The following NHSL2 variants were observed in gnomAD, a reference collection of about 807,000 sequenced individuals.
NHSL2 encodes the protein NHS like 2.
In NHSL2, 27 loss-of-function variants were observed where a neutral mutation model predicts 53.4. That is an observed-to-expected ratio of 0.51 (90% confidence interval 0.37 to 0.70). NHSL2 has a LOEUF of 0.70. NHSL2 is among the 30% of genes least tolerant of loss of function. NHSL2 has a pLI of 0.00. For synonymous variants in NHSL2, 408 were observed against 404.1 expected (o/e 1.01, Z -0.12); for missense variants, 892 against 980.1 (o/e 0.91, Z 1.20).
chrX:72,139,593 C>T lies in NHSL2; in HGVS notation c.2045C>T (p.Ser682Phe), dbSNP rs983726610. Residue 682 changes from serine (S) to phenylalanine (F), a missense_variant, in exon 6 of 8, where the codon TCC (serine) becomes TTC (phenylalanine). Physicochemically the swap from Ser to Phe is radical, Grantham distance 155. Transcript: ENST00000633930. The stretch of plus-strand genomic sequence containing the variant: ...GAGTCTCTTGCCTCACCTTCCACCT[C>T]CAGAGCCACTACACCTTCCCAACTC... ...SSESLASPST[S>F]RATTPSQLSI... 14 of 1,210,801 alleles carry T rather than the reference C, an allele frequency of 1.2e-5. No individual in the cohort carries two copies. The highest frequency in any genetic ancestry group is 1.6e-5 in the Non-Finnish European group (14 of 894,685).
chrX:71,953,760 C>T (rs1276108846), intron 1 of NHSL2, among the ~76,000 whole-genome samples: 1 of 111,700 alleles, frequency 9.0e-6, no homozygotes, highest in Non-Finnish European at 1.9e-5. Flanking sequence ...CCTCTGTGAG[C>T]ACAGATAAAG....
At chrX:71,917,466 CT>C (rs771368644) in intron 1 of NHSL2, among the ~76,000 whole-genome samples, 8 of 110,331 alleles carry the variant, frequency 7.3e-5, no homozygotes, top group African/African-American at 9.9e-5. Context: ...TGAATACCTT[CT>C]TTCTTTCTTT....
chrX:72,071,606 A>G (rs949234357), intron 1 of NHSL2, among the ~76,000 whole-genome samples: 2 of 110,825 alleles, frequency 1.8e-5, no homozygotes, highest in Non-Finnish European at 1.9e-5. Context: ...TCCTCACCTT[A>G]CCACAACACC....
At chrX:71,989,135 G>A (rs927675404) in intron 1 of NHSL2, among the ~76,000 whole-genome samples, 1 of 110,935 alleles carries the variant, frequency 9.0e-6, no homozygotes, top group Non-Finnish European at 1.9e-5. Flanking sequence ...CTTCTCACCA[G>A]GTGGTGCTTT....
chrX:71,990,758 A>T (rs2042023749), intron 1 of NHSL2, among the ~76,000 whole-genome samples: 1 of 111,920 alleles, frequency 8.9e-6, no homozygotes. Context: ...GCCTGCTCAG[A>T]CTTCCCCAAG....
intron 1 of NHSL2, among the ~76,000 whole-genome samples, chrX:71,924,968 A>G (rs1207862749): frequency 2.7e-5 from 3 of 112,445 alleles, no homozygotes; most frequent in Non-Finnish European, 5.6e-5. Flanking sequence ...TAGGGCAAGG[A>G]TAGTGGCTGA....
intron 1 of NHSL2, among the ~76,000 whole-genome samples, chrX:72,122,500 T>C (rs1253132198): frequency 8.9e-6 from 1 of 112,620 alleles, no homozygotes; most frequent in Non-Finnish European, 1.9e-5. Context: ...TTTATATCAA[T>C]CATCTCATTA....
chrX:71,990,849 A>G (rs1353193395), intron 1 of NHSL2, among the ~76,000 whole-genome samples: 1 of 112,024 alleles, frequency 8.9e-6, no homozygotes, highest in Non-Finnish European at 1.9e-5. Flanking sequence ...CTCTATTTCT[A>G]TTTCCAAGCT....
chrX:71,919,438 C>A (rs2041645723), intron 1 of NHSL2, among the ~76,000 whole-genome samples: 1 of 112,161 alleles, frequency 8.9e-6, no homozygotes, highest in Non-Finnish European at 1.9e-5. Context: ...AGGTGAAATT[C>A]CACGAAGCTT....
chrX:72,061,450 T>C (rs1342798919), intron 1 of NHSL2, among the ~76,000 whole-genome samples: 1 of 111,838 alleles, frequency 8.9e-6, no homozygotes, highest in Non-Finnish European at 1.9e-5. Flanking sequence ...ATGGGTATGA[T>C]GGTGAAATTG....
In NHSL2 at chrX:72,065,032, C is replaced by G. The variant is rs201403930; in HGVS notation, c.281-67047C>G. 2.7e-5 allele frequency among the ~76,000 whole-genome samples: 3 copies of G among 111,645 alleles called. No homozygotes were observed. The East Asian group carries it at 8.5e-4, about 32-fold the overall frequency. ...AGTGATCTTACAGCAGTGAACCCAT[C>G]AGAACAGCGCCTCCAGCACCCTACC... On this transcript the variant is annotated intron_variant, in intron 1 of 7. Coordinates refer to ENST00000633930, the MANE Select transcript of NHSL2 (RefSeq NM_001013627.3).
At chrX:72,108,334 G>A (rs759009008) in intron 1 of NHSL2, among the ~76,000 whole-genome samples, 7 of 112,650 alleles carry the variant, frequency 6.2e-5, no homozygotes, top group Admixed American at 9.3e-5. Context: ...CACAGGCTTC[G>A]TGCAGCACTT....
chrX:71,932,843 G>T (rs770924678), intron 1 of NHSL2, among the ~76,000 whole-genome samples: 7 of 112,833 alleles, frequency 6.2e-5, no homozygotes, highest in Non-Finnish European at 9.4e-5. Context: ...AGGAAACTGA[G>T]TACCAGAGAG....
chrX:72,062,013 T>C (rs1339801286), intron 1 of NHSL2, among the ~76,000 whole-genome samples: 2 of 112,589 alleles, frequency 1.8e-5, no homozygotes, highest in African/African-American at 3.2e-5. Flanking sequence ...TCTGCCTGGA[T>C]TGTAAACTCT....
chrX:72,106,962 C>T (rs1258163720), intron 1 of NHSL2, among the ~76,000 whole-genome samples: 2 of 11,975 alleles, frequency 1.7e-4, no homozygotes, highest in South Asian at 0.011. Context: ...CGGGGCTTGT[C>T]GGGGGGTGGG....
intron 1 of NHSL2, among the ~76,000 whole-genome samples, chrX:72,051,286 T>C (rs1244827104): frequency 8.9e-6 from 1 of 112,364 alleles, no homozygotes; most frequent in Non-Finnish European, 1.9e-5. Context: ...TTACCAACTA[T>C]GTTACAATGA....
chrX:72,085,837 G>A (rs762169564), intron 1 of NHSL2, among the ~76,000 whole-genome samples: 3 of 106,777 alleles, frequency 2.8e-5, no homozygotes, highest in Non-Finnish European at 3.8e-5. Flanking sequence ...CCTACCACCC[G>A]TATGCTGCGC....
chrX:72,136,961 G>C (rs1353349771), intron 4 of NHSL2, 133 bp from the exon 5 acceptor site: 30 of 548,162 alleles, frequency 5.5e-5, no homozygotes. Context: ...GGAAGGATGA[G>C]GAAGAAGTGC....
At chrX:71,921,172 C>A (rs1316528656) in intron 1 of NHSL2, among the ~76,000 whole-genome samples, 1 of 108,106 alleles carries the variant, frequency 9.3e-6, no homozygotes, top group East Asian at 3.1e-4. Context: ...AATCCCAGCA[C>A]TTTGGGAGGC....
Sources: allele counts gnomAD v4.1 joint callset (sites outside exome capture counted in the v4.1 genomes callset), GRCh38; gene constraint gnomAD v4.1.1; transcripts MANE v1.5; gene names NCBI Gene and HGNC (gene_info 2026-07-23, HGNC 2026-07-21).